The following SERPINI2 variants were observed in gnomAD, a reference collection of about 807,000 sequenced individuals.
SERPINI2 encodes serpin family I member 2, also known as serpin I2.
A neutral mutation model predicts 47.3 loss-of-function variants in SERPINI2; 48 were observed. The observed-to-expected ratio is 1.02, with a 90% CI of 0.81 to 1.29. The LOEUF is 1.29. Among genes scored for constraint, SERPINI2 ranks in the 50% most tolerant of loss-of-function variants. The pLI is 0.00. For synonymous variants in SERPINI2, 135 were observed against 149.3 expected, an observed-to-expected ratio of 0.90 and a Z score of 0.70; for missense variants, 448 against 456.9, an observed-to-expected ratio of 0.98 and a Z score of 0.18.
intron 5 of SERPINI2, among the ~76,000 whole-genome samples, chr3:167,464,976 C>A (rs1332133030): frequency 6.6e-6 from 1 of 152,158 alleles, no homozygotes; most frequent in African/African-American, 2.4e-5. Context: ...ATATACTTAT[C>A]TTTTACAGAG....
At chr3:167,476,738 C>G (rs1006753152), upstream of SERPINI2, among the ~76,000 whole-genome samples, 3 of 151,968 alleles carry the variant, frequency 2.0e-5, no homozygotes, top group Admixed American at 1.3e-4. Flanking sequence ...TATAGCTTCA[C>G]TTCAGAACGC....
upstream of SERPINI2, among the ~76,000 whole-genome samples, chr3:167,476,361 C>T (rs1453982667): frequency 2.0e-5 from 3 of 151,724 alleles, no homozygotes; most frequent in African/African-American, 7.3e-5. Flanking sequence ...GTTTTTTCTC[C>T]AAATTATTAG....
intron 7 of SERPINI2, among the ~76,000 whole-genome samples, chr3:167,448,584 G>A (rs899252546): frequency 8.5e-5 from 13 of 152,180 alleles, no homozygotes; most frequent in East Asian, 5.8e-4. Context: ...GTGCAGTTGC[G>A]CGATCTAGGC....
At chr3:167,470,579 T>TTTTTTG (rs1750282022) in intron 2 of SERPINI2, among the ~76,000 whole-genome samples, 1 of 119,802 alleles carries the variant, frequency 8.3e-6, no homozygotes, top group Admixed American at 8.7e-5. Context: ...TTTTTTTTTT[T>TTTTTTG]GGAGAAGGAG....
At chr3:167,450,614 G>A (rs1372236172) in intron 6 of SERPINI2, among the ~76,000 whole-genome samples, 1 of 152,170 alleles carries the variant, frequency 6.6e-6, no homozygotes, top group Non-Finnish European at 1.5e-5. Context: ...GTAAAGTGGA[G>A]AGAGATGGGC....
chr3:167,472,973 T>G (rs923986665), intron 1 of SERPINI2, among the ~76,000 whole-genome samples: 2 of 151,752 alleles, frequency 1.3e-5, no homozygotes, highest in East Asian at 1.9e-4. Flanking sequence ...GCCTTTAGAA[T>G]AGTCTGTTGT....
chr3:167,453,065 C>A lies in SERPINI2; in HGVS notation c.867-32G>T, dbSNP rs376580004. 53 of 1,239,128 alleles carry A rather than the reference C, an allele frequency of 4.3e-5. No individual in the cohort carries two copies. The Admixed American group carries it at 5.6e-4, about 13-fold the overall frequency. 76.8% of individuals were successfully genotyped at this position (1,239,128 alleles called of 1,614,324 possible). A position where few individuals can be genotyped will look rare whatever the true frequency, so the allele number is the denominator to read the frequency against. On this transcript the variant is annotated intron_variant, in intron 5 of 8. Coordinates refer to ENST00000264677, the Ensembl canonical transcript of SERPINI2. ...TTAAAAAAAAAAGAAAAAGAAAAGT[C>A]TTGAAACACTGCACATTTTTGCTAC...
chr3:167,466,073 C>G (rs552255761), intron 3 of SERPINI2, among the ~76,000 whole-genome samples: 1 of 152,294 alleles, frequency 6.6e-6, no homozygotes, highest in South Asian at 2.1e-4. Flanking sequence ...TACACCCAAA[C>G]TTGCCATTCT....
chr3:167,475,699 A>G (rs1750461037), upstream of SERPINI2, among the ~76,000 whole-genome samples: 1 of 147,796 alleles, frequency 6.8e-6, no homozygotes, highest in Non-Finnish European at 1.5e-5. Flanking sequence ...TTTTTTCTAC[A>G]ATTCTATTTT....
At chr3:167,472,252 A>T (rs1042387456) in intron 1 of SERPINI2, among the ~76,000 whole-genome samples, 4 of 152,180 alleles carry the variant, frequency 2.6e-5, no homozygotes, top group Middle Eastern at 3.4e-3. Flanking sequence ...ATAGATCAAG[A>T]GGAAGAAATG....
chr3:167,462,169 C>G (rs778497100), intron 5 of SERPINI2, among the ~76,000 whole-genome samples: 2 of 152,142 alleles, frequency 1.3e-5, no homozygotes, highest in Non-Finnish European at 2.9e-5. Context: ...TAATTGGTAC[C>G]TGGTTTTAAA....
upstream of SERPINI2, chr3:167,474,228 AC>A (rs899350810): frequency 4.6e-5 from 28 of 611,162 alleles, no homozygotes; most frequent in African/African-American, 4.8e-4. Context: ...TGAGAAAAAA[AC>A]AATTATAGAA....
chr3:167,442,382 T>G (rs1259095532), intron 8 of SERPINI2, among the ~76,000 whole-genome samples, 197 bp from the exon 9 acceptor site: 1 of 152,164 alleles, frequency 6.6e-6, no homozygotes, highest in East Asian at 1.9e-4. Flanking sequence ...TCTGGTAATT[T>G]ATGAGGTAAA....
exon 3 of SERPINI2, chr3:167,467,078 G>T: frequency 6.2e-7 from 1 of 1,610,308 alleles, no homozygotes; most frequent in Non-Finnish European, 8.5e-7. Context: ...TTCTACCCAG[G>T]TACTTATCAT....
chr3:167,457,894 A>G (rs896351439), intron 5 of SERPINI2, among the ~76,000 whole-genome samples: 1 of 152,208 alleles, frequency 6.6e-6, no homozygotes, highest in African/African-American at 2.4e-5. Context: ...GACAAATAGA[A>G]GTTTTATAGA....
At chr3:167,472,499 A>G (rs1016008760) in intron 1 of SERPINI2, among the ~76,000 whole-genome samples, 1 of 151,984 alleles carries the variant, frequency 6.6e-6, no homozygotes, top group African/African-American at 2.4e-5. Context: ...ACAATAAAGT[A>G]CTATGCTCAC....
intron 8 of SERPINI2, 40 bp from the exon 9 acceptor site, chr3:167,442,225 C>T (rs1749348891): frequency 7.2e-7 from 1 of 1,397,302 alleles, no homozygotes; most frequent in African/African-American, 1.5e-5. Context: ...TTAGGAATTT[C>T]AGGAGAAAAC....
chr3:167,443,354 G>A (rs571237390), intron 8 of SERPINI2, among the ~76,000 whole-genome samples: 3 of 152,230 alleles, frequency 2.0e-5, no homozygotes, highest in Admixed American at 6.5e-5. Flanking sequence ...TGATCCTCCC[G>A]CCTCAGCCTC....
intron 7 of SERPINI2, among the ~76,000 whole-genome samples, chr3:167,447,494 G>A (rs1749513989): frequency 6.6e-6 from 1 of 152,118 alleles, no homozygotes; most frequent in Admixed American, 6.5e-5. Flanking sequence ...GTTTTACTTT[G>A]ATTCATCTAC....
Sources: gnomAD v4.1 joint callset for allele counts (sites outside exome capture counted in the v4.1 genomes callset) on GRCh38, gnomAD v4.1.1 for gene constraint, MANE v1.5 for transcripts, NCBI Gene and HGNC (gene_info 2026-07-23, HGNC 2026-07-21) for gene names.